Variants in PLPPR1 observed in about 807,000 individuals in gnomAD.
The protein encoded by PLPPR1 is phospholipid phosphatase-related protein type 1.
PLPPR1 carries 10 observed loss-of-function variants against 33.1 expected under a neutral mutation model. The observed-to-expected ratio is 0.30, with a 90% confidence interval of 0.19 to 0.51. PLPPR1 has a LOEUF of 0.51. PLPPR1 is among the 20% of genes least tolerant of loss of function. The pLI is 0.97. For missense variants in PLPPR1, 304 were observed against 408.1 expected (o/e 0.74, Z 2.20); for synonymous variants, 151 against 151.0 (o/e 1.00, Z 0.00).
At chr9:101,095,196 G>T (rs1830801672) in intron 1 of PLPPR1, among the ~76,000 whole-genome samples, 3 of 152,170 alleles carry the variant, frequency 2.0e-5, no homozygotes. Flanking sequence ...TCAATAGGAT[G>T]GTACTTTAGA....
chr9:101,099,783 T>TC (rs1830872614), intron 1 of PLPPR1, among the ~76,000 whole-genome samples: 2 of 152,006 alleles, frequency 1.3e-5, no homozygotes, highest in Non-Finnish European at 2.9e-5. Context: ...CTGGAACAAC[T>TC]CCCCCATGGA....
chr9:101,063,069 C>T (rs1302976635), intron 1 of PLPPR1, among the ~76,000 whole-genome samples: 1 of 151,998 alleles, frequency 6.6e-6, no homozygotes, highest in Non-Finnish European at 1.5e-5. Flanking sequence ...CTTTCTTTAA[C>T]ACAGCTAGAG....
chr9:101,294,542 A>G (rs1446061944), intron 4 of PLPPR1, among the ~76,000 whole-genome samples: 8 of 150,598 alleles, frequency 5.3e-5, no homozygotes, highest in Admixed American at 1.3e-4. Context: ...ACATTGATGC[A>G]AAAATCCTCA....
intron 1 of PLPPR1, among the ~76,000 whole-genome samples, chr9:101,083,433 A>G (rs532330935): frequency 6.6e-6 from 1 of 152,088 alleles, no homozygotes; most frequent in African/African-American, 2.4e-5. Flanking sequence ...TGGAAAGAAT[A>G]GCATGTAGTA....
In PLPPR1 at chr9:101,100,394, C is replaced by T. The variant is rs532901426; in HGVS notation, c.-46+71292C>T. Among the ~76,000 whole-genome samples, 4 of 151,916 alleles carry T rather than the reference C, an allele frequency of 2.6e-5. No individual in the cohort carries two copies. In the East Asian group the frequency reaches 5.8e-4, roughly 22 times the overall value. ...GAAAGGAATAAGAATTAGGTTTTAC[C>T]TTCTAATTACTTATTTATTTTTATT... On this transcript the variant is annotated intron_variant, in intron 1 of 7. Transcript: ENST00000374874.
intron 1 of PLPPR1, among the ~76,000 whole-genome samples, chr9:101,038,152 A>C (rs1830032573): frequency 6.6e-6 from 1 of 152,124 alleles, no homozygotes; most frequent in African/African-American, 2.4e-5. Flanking sequence ...GGTAGGATTA[A>C]CTTTACATAT....
At chr9:101,223,163 AAAAAAAAAAG>A (rs1341837711) in intron 2 of PLPPR1, among the ~76,000 whole-genome samples, 37 of 134,874 alleles carry the variant, frequency 2.7e-4, no homozygotes, top group African/African-American at 7.6e-4. Context: ...AAAAAAAAAA[AAAAAAAAAAG>A]AAAAGAAAAA....
intron 1 of PLPPR1, among the ~76,000 whole-genome samples, chr9:101,120,933 T>C (rs1831171768): frequency 6.6e-6 from 1 of 152,240 alleles, no homozygotes; most frequent in Non-Finnish European, 1.5e-5. Context: ...AAACAAGGAC[T>C]CAACTTAAAT....
At chr9:101,305,003 G>C (rs1828830659) in intron 4 of PLPPR1, among the ~76,000 whole-genome samples, 1 of 152,104 alleles carries the variant, frequency 6.6e-6, no homozygotes, top group Non-Finnish European at 1.5e-5. Flanking sequence ...AAAAAGGTAA[G>C]AGAGGAGAGT....
At chr9:101,055,866 C>CTCT (rs2118454048) in intron 1 of PLPPR1, among the ~76,000 whole-genome samples, 1 of 152,354 alleles carries the variant, frequency 6.6e-6, no homozygotes, top group African/African-American at 2.4e-5. Flanking sequence ...TTAACTTCAT[C>CTCT]TCTTTCAAGC....
At chr9:101,108,190 A>T (rs968129460) in intron 1 of PLPPR1, among the ~76,000 whole-genome samples, 1 of 152,154 alleles carries the variant, frequency 6.6e-6, no homozygotes, top group Admixed American at 6.5e-5. Context: ...AACAACTTTT[A>T]TCTTCTACTA....
chr9:101,119,080 G>A (rs1831147518), intron 1 of PLPPR1, among the ~76,000 whole-genome samples: 1 of 152,120 alleles, frequency 6.6e-6, no homozygotes, highest in African/African-American at 2.4e-5. Context: ...CAGCCAAATT[G>A]GACATGCAGC....
chr9:101,237,681 T>G (rs1359130406), intron 2 of PLPPR1, among the ~76,000 whole-genome samples: 1 of 144,900 alleles, frequency 6.9e-6, no homozygotes, highest in African/African-American at 2.5e-5. Context: ...TATATATACA[T>G]ATATATATAG....
intron 1 of PLPPR1, among the ~76,000 whole-genome samples, chr9:101,134,728 G>T (rs1831357974): frequency 6.6e-6 from 1 of 152,080 alleles, no homozygotes; most frequent in Non-Finnish European, 1.5e-5. Flanking sequence ...TTCAGTGTAT[G>T]GCAAATAACT....
chr9:101,051,720 C>T lies in PLPPR1; in HGVS notation c.-46+22618C>T, dbSNP rs116890185. Among the ~76,000 whole-genome samples the T allele has an allele frequency of 5.4e-3, 829 of 152,312 alleles. 16 individuals carry two copies. In the East Asian group the frequency reaches 0.059, roughly 11 times the overall value. On this transcript the variant is annotated intron_variant, in intron 1 of 7. Transcript: ENST00000374874. ...TTGCAGCTATTTTATGCACATGTTACTCTCTTCCATTTACTCTGCACCTTC... is the reference window on the plus strand; with the variant it reads ...TTGCAGCTATTTTATGCACATGTTATTCTCTTCCATTTACTCTGCACCTTC...
chr9:101,061,234 A>G (rs1830344016), intron 1 of PLPPR1, among the ~76,000 whole-genome samples: 1 of 151,970 alleles, frequency 6.6e-6, no homozygotes, highest in South Asian at 2.1e-4. Flanking sequence ...ATTATAAGAT[A>G]TGAAATATAT....
At chr9:101,199,379 CCCAAG>C (rs1303111150) in intron 2 of PLPPR1, among the ~76,000 whole-genome samples, 13 of 152,094 alleles carry the variant, frequency 8.5e-5, no homozygotes, top group Non-Finnish European at 1.5e-5. Flanking sequence ...AAAATATTTT[CCCAAG>C]ATTTCTAACC....
intron 1 of PLPPR1, among the ~76,000 whole-genome samples, chr9:101,098,733 G>A (rs1830854555): frequency 6.6e-6 from 1 of 152,168 alleles, no homozygotes; most frequent in Non-Finnish European, 1.5e-5. Flanking sequence ...GATCAAGTGT[G>A]TGGTTCAAGA....
chr9:101,291,502 AC>A (rs888473792), intron 4 of PLPPR1, among the ~76,000 whole-genome samples: 3 of 151,758 alleles, frequency 2.0e-5, no homozygotes, highest in Non-Finnish European at 4.4e-5. Context: ...TGGGTCCCTG[AC>A]CCCTGACCCC....
Sources: gnomAD v4.1 joint callset for allele counts (sites outside exome capture counted in the v4.1 genomes callset) on GRCh38, gnomAD v4.1.1 for gene constraint, MANE v1.5 for transcripts, NCBI Gene and HGNC (gene_info 2026-07-23, HGNC 2026-07-21) for gene names.